The following TOR1AIP1 variants were observed in gnomAD, a reference collection of about 807,000 sequenced individuals.
TOR1AIP1 encodes torsin 1A interacting protein 1, also known as torsin-1A-interacting protein 1.
Under a neutral mutation model 63.3 loss-of-function variants are expected in TOR1AIP1, and 54 were observed. That is an observed-to-expected ratio of 0.85 (90% confidence interval 0.69 to 1.07). The LOEUF is 1.07. Among genes scored for constraint, TOR1AIP1 ranks in the 50% least tolerant of loss-of-function variants. The probability of loss-of-function intolerance (pLI) is 0.00; values close to 1 mark genes in which losing one functional copy is unlikely to be tolerated. For missense variants in TOR1AIP1, 736 were observed against 715.0 expected (o/e 1.03, Z -0.33); for synonymous variants, 294 against 273.5 (o/e 1.07, Z -0.74).
rs66464156 is a variant in TOR1AIP1 at position 179,900,565 on chromosome 1, T to TA, written c.652+412dup. The TA allele has an allele frequency of 3.1e-3, 458 of 145,504 alleles. 2 individuals are homozygous for TA. Among genetic ancestry groups the TA allele is most frequent in the African/African-American group, 9.3e-3 (363 of 39,182 alleles). 9.0% of individuals were successfully genotyped at this position (145,504 alleles called of 1,614,324 possible). Reference sequence around the variant, plus strand: ...GGCAACCTAGTGAGAGCCCATCTCTTAAAAAAAAAAAAAACAAAAAGAAGT... The same window carrying TA: ...GGCAACCTAGTGAGAGCCCATCTCTTAAAAAAAAAAAAAAACAAAAAGAAGT... On this transcript the variant is annotated intron_variant, in intron 4 of 9. Transcript: ENST00000606911.
chr1:179,909,360 C>A (rs567094279), intron 8 of TOR1AIP1, among the ~76,000 whole-genome samples: 48 of 150,960 alleles, frequency 3.2e-4, no homozygotes, highest in African/African-American at 1.1e-3. Context: ...GTTATATTTT[C>A]ATGTTTAGGG....
chr1:179,882,368 C>G lies in TOR1AIP1; in HGVS notation c.-135C>G. 2 of 908,146 alleles carry G rather than the reference C, an allele frequency of 2.2e-6. No homozygotes were observed. Among genetic ancestry groups the G allele is most frequent in the Non-Finnish European group, 3.0e-6 (2 of 657,150 alleles). 56.3% of individuals were successfully genotyped at this position (908,146 alleles called of 1,614,324 possible). A position where few individuals can be genotyped will look rare whatever the true frequency, so the allele number is the denominator to read the frequency against. ...AGCAGCGACGACGCAGGCGGCGGCC[C>G]CAGCGACTCGCAACTGCCTCCCTGA... On this transcript the variant is annotated 5_prime_UTR_variant, in exon 1 of 10. Coordinates refer to ENST00000606911, the MANE Select transcript of TOR1AIP1 (RefSeq NM_015602.4).
intron 5 of TOR1AIP1, among the ~76,000 whole-genome samples, chr1:179,902,977 G>A (rs1648513703): frequency 1.3e-5 from 2 of 151,388 alleles, no homozygotes; most frequent in South Asian, 4.2e-4. Context: ...TCGCACTTCA[G>A]CCTGGGCAAC....
Position 179,913,966 on chromosome 1 carries a change from T to TGATA in TOR1AIP1, c.908-30_908-27dup, listed in dbSNP as rs746064958. ...AATACTCAAATTATGAAGCATAAGT[T>TGATA]GATAGTCTTATTTTATTACTCTCAC... On this transcript the variant is annotated intron_variant, in intron 8 of 9. Coordinates refer to ENST00000606911, the MANE Select transcript of TOR1AIP1 (RefSeq NM_015602.4). 2.5e-6 allele frequency: 4 copies of TGATA among 1,585,858 alleles called. No individual in the cohort carries two copies. In the African/African-American group the frequency reaches 5.4e-5, roughly 21 times the overall value.
intron 1 of TOR1AIP1, among the ~76,000 whole-genome samples, chr1:179,883,299 TTAC>T (rs2148469165): frequency 6.6e-6 from 1 of 152,286 alleles, no homozygotes; most frequent in South Asian, 2.1e-4. Flanking sequence ...GGACAGCGAA[TTAC>T]TGCAGGGTCG....
At chr1:179,895,506 G>A (rs973614951) in intron 3 of TOR1AIP1, among the ~76,000 whole-genome samples, 1 of 152,170 alleles carries the variant, frequency 6.6e-6, no homozygotes, top group African/African-American at 2.4e-5. Context: ...TACTTGGGAG[G>A]CTGAGTCTGG....
Position 179,908,065 on chromosome 1 carries a change from C to A in TOR1AIP1, c.838+201C>A, listed in dbSNP as rs185638265. Among the ~76,000 whole-genome samples, 5 of 151,800 alleles carry A rather than the reference C, an allele frequency of 3.3e-5. No homozygotes were observed. The South Asian group carries it at 1.0e-3, about 32-fold the overall frequency. Reference sequence around the variant, plus strand: ...CTGGGACTACAGGCGCCCGCCACCACGCCCGGCTAATTTTTTGTATTTTTA... The same window carrying A: ...CTGGGACTACAGGCGCCCGCCACCAAGCCCGGCTAATTTTTTGTATTTTTA... On this transcript the variant is annotated intron_variant, in intron 7 of 9. Coordinates refer to ENST00000606911, the MANE Select transcript of TOR1AIP1 (RefSeq NM_015602.4).
chr1:179,896,479 GTT>G (rs59861766), intron 3 of TOR1AIP1, among the ~76,000 whole-genome samples: 64 of 148,412 alleles, frequency 4.3e-4, no homozygotes, highest in South Asian at 8.5e-4. Context: ...AGCCATTCAG[GTT>G]TTTTTTTTTT....
chr1:179,885,051 C>G (rs1445217850), intron 2 of TOR1AIP1, among the ~76,000 whole-genome samples: 1 of 152,174 alleles, frequency 6.6e-6, no homozygotes, highest in Non-Finnish European at 1.5e-5. Context: ...TTACTTTCCC[C>G]CCAAGTGCCT....
intron 6 of TOR1AIP1, among the ~76,000 whole-genome samples, chr1:179,906,651 A>G (rs1166613693): frequency 6.6e-6 from 1 of 151,470 alleles, no homozygotes; most frequent in Non-Finnish European, 1.5e-5. Context: ...GGTATGTGGT[A>G]TATGATATGG....
chr1:179,892,601 C>T (rs967485975), intron 3 of TOR1AIP1, among the ~76,000 whole-genome samples: 9 of 151,730 alleles, frequency 5.9e-5, no homozygotes, highest in African/African-American at 1.9e-4. Flanking sequence ...AGCCGGGCAT[C>T]GTGGCGGGTG....
chr1:179,888,819 C>A (rs1647980318), intron 2 of TOR1AIP1, among the ~76,000 whole-genome samples: 1 of 152,208 alleles, frequency 6.6e-6, no homozygotes, highest in African/African-American at 2.4e-5. Context: ...CTAAAATAAA[C>A]CCTGGCCCAC....
intron 3 of TOR1AIP1, among the ~76,000 whole-genome samples, chr1:179,898,897 G>A (rs1648364233): frequency 6.6e-6 from 1 of 151,464 alleles, no homozygotes; most frequent in Non-Finnish European, 1.5e-5. Context: ...TTTTCTCTGG[G>A]TTAGTTTTTT....
At position 179,917,499 on chromosome 1, in the gene TOR1AIP1, T is replaced by C. The variant is rs769461759; in HGVS notation, c.1012T>C (p.Trp338Arg). 54 of 1,613,556 alleles carry C rather than the reference T, an allele frequency of 3.3e-5. No individual in the cohort carries two copies. The highest frequency in any genetic ancestry group is 1.1e-4 in the East Asian group (5 of 44,898). ...TGCATCTTTTGTCAAGAGGAACCGG[T>C]GGTGGCTACTTCCTCTGATAGCTGC... ...QNASFVKRNR[W>R]WLLPLIAALA... The change falls in exon 10 of 10, where the codon TGG (tryptophan) becomes CGG (arginine). Residue 338 changes from tryptophan (W) to arginine (R), a missense_variant. By Grantham distance (101) the Trp-to-Arg change is moderately radical (BLOSUM62 -3). Around this residue, in one of 2 missense-constraint regions of TOR1AIP1, gnomAD observed 272 missense variants for 344.1 expected, o/e 0.79. Coordinates refer to ENST00000606911, the MANE Select transcript of TOR1AIP1 (RefSeq NM_015602.4).
intron 9 of TOR1AIP1, 42 bp downstream of exon 9, chr1:179,914,096 A>T: frequency 1.3e-6 from 2 of 1,552,888 alleles, no homozygotes. Flanking sequence ...TTTCTGTAAA[A>T]TTGGTATTCC....
Position 179,882,392 on chromosome 1 carries a change from G to T in TOR1AIP1, c.-111G>T. On this transcript the variant is annotated 5_prime_UTR_variant, in exon 1 of 10. The change abolishes the stop of an existing upstream ORF in the 5' untranslated region. Transcript: ENST00000606911. ...CCCAGCGACTCGCAACTGCCTCCCT[G>T]ACCACAGCGGCCACCGCCCAACACC... 1.7e-6 allele frequency: 2 copies of T among 1,172,588 alleles called. No individual in the cohort carries two copies. The highest frequency in any genetic ancestry group is 4.3e-5 in the South Asian group (2 of 46,278). The allele number at this position is 1,172,588 out of a possible 1,614,324, so 72.6% of individuals were successfully genotyped here.
chr1:179,884,584 A>G (rs1647857777), intron 1 of TOR1AIP1, 108 bp from the exon 2 acceptor site: 4 of 898,740 alleles, frequency 4.5e-6, no homozygotes, highest in Non-Finnish European at 6.6e-6. Context: ...TAAAGAAACG[A>G]ATTTCTTGAA....
chr1:179,893,270 A>C (rs946352201), intron 3 of TOR1AIP1, among the ~76,000 whole-genome samples: 11 of 144,590 alleles, frequency 7.6e-5, no homozygotes, highest in Admixed American at 1.3e-4. Flanking sequence ...ACAAACAAAA[A>C]AAAAAAAGTG....
intron 6 of TOR1AIP1, among the ~76,000 whole-genome samples, chr1:179,906,060 AT>A (rs1648625191): frequency 6.6e-6 from 1 of 152,262 alleles, no homozygotes; most frequent in African/African-American, 2.4e-5. Context: ...TATTGATTTT[AT>A]GTATCAATGA....
Sources: allele counts gnomAD v4.1 joint callset (sites outside exome capture counted in the v4.1 genomes callset), GRCh38; gene constraint gnomAD v4.1.1; regional missense constraint gnomAD v4.1.1; transcripts MANE v1.5; gene names NCBI Gene and HGNC (gene_info 2026-07-23, HGNC 2026-07-21).